The following STK33 variants were observed in gnomAD, a reference collection of about 807,000 sequenced individuals.
STK33 encodes the protein serine/threonine kinase 33.
STK33 carries 52 observed loss-of-function variants against 58.0 expected under a neutral mutation model. The ratio of observed to expected loss-of-function variants is 0.90; its 90% CI spans 0.72 to 1.13. STK33 has a LOEUF of 1.13. Ranked by LOEUF, STK33 falls within the 50% of genes most tolerant of loss-of-function variation. The pLI is 0.00. For synonymous variants in STK33, 215 were observed against 200.1 expected, an observed-to-expected ratio of 1.07 and a Z score of -0.63; for missense variants, 630 against 604.2, an observed-to-expected ratio of 1.04 and a Z score of -0.45.
At chr11:8,579,665 G>A (rs1958429172) in intron 1 of STK33, among the ~76,000 whole-genome samples, 1 of 152,018 alleles carries the variant, frequency 6.6e-6, no homozygotes, top group Admixed American at 6.6e-5. Context: ...GCATTCACAT[G>A]TTCTCATTTT....
intron 1 of STK33, among the ~76,000 whole-genome samples, chr11:8,574,097 C>T (rs1958015792): frequency 1.3e-5 from 2 of 152,146 alleles, no homozygotes; most frequent in Non-Finnish European, 2.9e-5. Flanking sequence ...GGCCCCTCTC[C>T]CTCCCTCCCT....
At chr11:8,567,717 T>C (rs1291023287) in intron 1 of STK33, among the ~76,000 whole-genome samples, 2 of 152,204 alleles carry the variant, frequency 1.3e-5, no homozygotes, top group Non-Finnish European at 2.9e-5. Flanking sequence ...CACCAGATTC[T>C]ATCCTTTAAA....
chr11:8,407,111 A>C (rs1245474597), intron 15 of STK33, among the ~76,000 whole-genome samples: 1 of 152,062 alleles, frequency 6.6e-6, no homozygotes, highest in Non-Finnish European at 1.5e-5. Context: ...ATAATTATAT[A>C]GCTTTCTCCT....
At chr11:8,364,153 T>C in the STK33 span, among the ~76,000 whole-genome samples, 1 of 152,230 alleles carries the variant, frequency 6.6e-6, no homozygotes, top group Non-Finnish European at 1.5e-5. Context: ...TCCTCGTTTA[T>C]GTCAATACGT....
intron 9 of STK33, 41 bp from the exon 10 acceptor site, chr11:8,454,873 T>C (rs758748413): frequency 8.1e-6 from 12 of 1,486,870 alleles, no homozygotes; most frequent in Non-Finnish European, 6.3e-6. Context: ...AAATGAATAA[T>C]GGAAAAATAG....
At chr11:8,414,877 T>C (rs1940890862) in intron 14 of STK33, among the ~76,000 whole-genome samples, 1 of 152,166 alleles carries the variant, frequency 6.6e-6, no homozygotes, top group Admixed American at 6.6e-5. Flanking sequence ...CTACATTTCC[T>C]TGAAGGTTCA....
chr11:8,357,045 C>T, the STK33 span, among the ~76,000 whole-genome samples: 12 of 152,290 alleles, frequency 7.9e-5, no homozygotes, highest in South Asian at 1.5e-3. Context: ...TCCTGGGTGC[C>T]CAAGCCCCAG....
chr11:8,446,120 T>C (rs1945428637), intron 11 of STK33, among the ~76,000 whole-genome samples: 1 of 152,210 alleles, frequency 6.6e-6, no homozygotes, highest in Admixed American at 6.5e-5. Context: ...GGTGTATGTG[T>C]GCAGAAATTT....
intron 1 of STK33, among the ~76,000 whole-genome samples, chr11:8,551,040 A>C (rs1956264524): frequency 6.6e-6 from 1 of 152,158 alleles, no homozygotes; most frequent in Admixed American, 6.5e-5. Flanking sequence ...CCTCACAATC[A>C]TGACAGAAGG....
intron 1 of STK33, among the ~76,000 whole-genome samples, chr11:8,506,962 A>G (rs772661383): frequency 3.9e-5 from 6 of 152,216 alleles, no homozygotes; most frequent in Admixed American, 1.3e-4. Context: ...ACAGTAGATT[A>G]TACTTCAGAT....
intron 15 of STK33, among the ~76,000 whole-genome samples, chr11:8,395,358 C>T (rs1015021431): frequency 6.6e-6 from 1 of 152,188 alleles, no homozygotes; most frequent in South Asian, 2.1e-4. Flanking sequence ...TGCCTGCTGC[C>T]ACCTAAGGCG....
intron 15 of STK33, among the ~76,000 whole-genome samples, chr11:8,394,181 T>C (rs1463758570): frequency 1.3e-5 from 2 of 152,162 alleles, no homozygotes; most frequent in African/African-American, 2.4e-5. Context: ...CTCACATAGG[T>C]TGTATTTTTA....
chr11:8,373,489 A>T, the STK33 span, among the ~76,000 whole-genome samples: 1 of 152,122 alleles, frequency 6.6e-6, no homozygotes, highest in Non-Finnish European at 1.5e-5. Context: ...GAAGACGATG[A>T]GGGTGCTAGT....
intron 1 of STK33, among the ~76,000 whole-genome samples, chr11:8,511,810 C>G (rs1217772611): frequency 6.6e-6 from 1 of 152,066 alleles, no homozygotes; most frequent in African/African-American, 2.4e-5. Context: ...ATCCCTGCAT[C>G]CCTAGTATGA....
At chr11:8,546,129 C>A (rs1565328220) in intron 1 of STK33, among the ~76,000 whole-genome samples, 1 of 152,186 alleles carries the variant, frequency 6.6e-6, no homozygotes, top group African/African-American at 2.4e-5. Context: ...ACGAATGCAG[C>A]TTGCAGGACA....
intron 1 of STK33, among the ~76,000 whole-genome samples, chr11:8,489,965 T>C (rs1950482594): frequency 2.6e-5 from 4 of 151,996 alleles, no homozygotes; most frequent in Admixed American, 2.0e-4. Flanking sequence ...GATGGCCGAA[T>C]AGGAACAGCT....
chr11:8,548,815 G>A (rs1011448995), intron 1 of STK33, among the ~76,000 whole-genome samples: 25 of 152,104 alleles, frequency 1.6e-4, no homozygotes, highest in African/African-American at 6.0e-4. Flanking sequence ...TATAAAAAAT[G>A]GTTAAATTTT....
At chr11:8,425,629 A>G (rs2136013371) in intron 14 of STK33, among the ~76,000 whole-genome samples, 1 of 152,120 alleles carries the variant, frequency 6.6e-6, no homozygotes, top group East Asian at 1.9e-4. Context: ...TTTGTGTTTC[A>G]ATATTTCCAT....
intron 15 of STK33, among the ~76,000 whole-genome samples, chr11:8,407,159 G>A (rs1939381963): frequency 6.6e-6 from 1 of 151,802 alleles, no homozygotes; most frequent in African/African-American, 2.4e-5. Flanking sequence ...TTGATTTTTG[G>A]ATGTTAATCC....
Sources: gnomAD v4.1 joint callset for allele counts (sites outside exome capture counted in the v4.1 genomes callset) on GRCh38, gnomAD v4.1.1 for gene constraint, MANE v1.5 for transcripts, NCBI Gene and HGNC (gene_info 2026-07-23, HGNC 2026-07-21) for gene names.